MAML3: variants seen among roughly 807,000 people sequenced by gnomAD.
MAML3 encodes mastermind like transcriptional coactivator 3.
MAML3 carries 27 observed loss-of-function variants against 101.9 expected under a neutral mutation model. That is an observed-to-expected ratio of 0.27 (90% CI 0.20 to 0.37). The LOEUF is 0.37. MAML3 is among the 10% of genes least tolerant of loss of function. MAML3 has a pLI of 1.00. For synonymous variants in MAML3, 501 were observed against 555.9 expected, an observed-to-expected ratio of 0.90 and a Z score of 1.39; for missense variants, 1,316 against 1,444.9, an observed-to-expected ratio of 0.91 and a Z score of 1.45.
intron 1 of MAML3, among the ~76,000 whole-genome samples, chr4:140,012,480 T>A (rs927170095): frequency 4.6e-5 from 7 of 152,186 alleles, no homozygotes; most frequent in African/African-American, 9.7e-5. Context: ...TTCCTCCCAT[T>A]CACTTTACTC....
At chr4:140,031,757 T>C (rs2110892295) in intron 1 of MAML3, among the ~76,000 whole-genome samples, 2 of 152,338 alleles carry the variant, frequency 1.3e-5, no homozygotes, top group South Asian at 4.1e-4. Flanking sequence ...ATTACCTTCA[T>C]CAGAAACTTC....
chr4:140,142,867 TG>T (rs1379623371), intron 1 of MAML3, among the ~76,000 whole-genome samples: 5 of 152,144 alleles, frequency 3.3e-5, no homozygotes, highest in African/African-American at 1.2e-4. Context: ...TGTCAAGCCA[TG>T]ATCATGATGC....
intron 1 of MAML3, among the ~76,000 whole-genome samples, chr4:140,023,502 C>T (rs1261109050): frequency 6.6e-6 from 1 of 152,164 alleles, no homozygotes; most frequent in Non-Finnish European, 1.5e-5. Flanking sequence ...GTCCTTTATG[C>T]CCAAGCGAAG....
At chr4:140,018,417 A>C (rs777151596) in intron 1 of MAML3, among the ~76,000 whole-genome samples, 6 of 152,232 alleles carry the variant, frequency 3.9e-5, no homozygotes, top group Non-Finnish European at 8.8e-5. Flanking sequence ...TTAAAGAAGA[A>C]AACAATCTTG....
intron 3 of MAML3, among the ~76,000 whole-genome samples, chr4:139,727,178 A>G (rs76218689): frequency 0.014 from 2,140 of 152,296 alleles, 53 homozygotes; most frequent in African/African-American, 0.048. Context: ...AAGGCCAGCC[A>G]GTATTCTGGC....
chr4:140,143,105 G>A (rs914515482), intron 1 of MAML3, among the ~76,000 whole-genome samples: 16 of 152,180 alleles, frequency 1.1e-4, no homozygotes, highest in African/African-American at 3.9e-4. Flanking sequence ...TTTTTAAAGT[G>A]TTTCCATTTA....
intron 1 of MAML3, chr4:140,133,042 T>C (rs1728822280): frequency 2.4e-6 from 1 of 422,636 alleles, no homozygotes; most frequent in Non-Finnish European, 4.7e-6. Context: ...CCTGTATTTA[T>C]TTTAAAAGGA....
At chr4:139,754,968 A>G (rs530260247) in intron 2 of MAML3, among the ~76,000 whole-genome samples, 105 of 152,334 alleles carry the variant, frequency 6.9e-4, no homozygotes, top group Non-Finnish European at 9.4e-4. Flanking sequence ...GCACGCTGAC[A>G]TCCTATGTCT....
rs545489589 is a variant in MAML3, at chr4:140,030,230, C to T, written c.468+122630G>A. The stretch of plus-strand genomic sequence containing the variant: ...TATTCTTCATCTTTAAATGTCCCAC[C>T]GATCACACGTCAGTGACTTCATGGC... On this transcript the variant is annotated intron_variant, in intron 1 of 4. Transcript: ENST00000509479. 3.8e-3 allele frequency among the ~76,000 whole-genome samples: 577 copies of T among 152,242 alleles called. 6 individuals are homozygous for T. The highest frequency in any genetic ancestry group is 4.0e-3 in the Non-Finnish European group (272 of 68,024).
chr4:139,941,836 G>C (rs1263440660), intron 1 of MAML3, among the ~76,000 whole-genome samples: 2 of 151,952 alleles, frequency 1.3e-5, no homozygotes, highest in Admixed American at 1.3e-4. Flanking sequence ...CTTCACATTA[G>C]AAACCTTTAA....
chr4:139,792,189 G>A (rs1281284165), intron 2 of MAML3, among the ~76,000 whole-genome samples: 1 of 152,202 alleles, frequency 6.6e-6, no homozygotes, highest in Admixed American at 6.5e-5. Context: ...AGAGCAGAAT[G>A]AAAACATTTT....
intron 1 of MAML3, among the ~76,000 whole-genome samples, chr4:139,945,306 C>T (rs901602333): frequency 1.3e-5 from 2 of 152,202 alleles, no homozygotes; most frequent in African/African-American, 2.4e-5. Flanking sequence ...ATTTTATGTG[C>T]TTCTGATGAA....
At chr4:139,816,673 C>T (rs1192353458) in intron 2 of MAML3, among the ~76,000 whole-genome samples, 1 of 152,060 alleles carries the variant, frequency 6.6e-6, no homozygotes, top group Admixed American at 6.5e-5. Context: ...GATGTCAATC[C>T]AGTTCAATTT....
chr4:140,041,603 C>G (rs549050136), intron 1 of MAML3, among the ~76,000 whole-genome samples: 1 of 151,820 alleles, frequency 6.6e-6, no homozygotes, highest in East Asian at 1.9e-4. Flanking sequence ...CCTGGGCAAC[C>G]GAGTGAGACA....
intron 1 of MAML3, among the ~76,000 whole-genome samples, chr4:139,893,759 C>T (rs1046067214): frequency 6.6e-6 from 1 of 152,098 alleles, no homozygotes; most frequent in Non-Finnish European, 1.5e-5. Context: ...GTCTTGCTAA[C>T]TCTATGGATT....
chr4:139,756,229 C>G (rs1198448629), intron 2 of MAML3, among the ~76,000 whole-genome samples: 2 of 152,158 alleles, frequency 1.3e-5, no homozygotes, highest in Non-Finnish European at 2.9e-5. Flanking sequence ...AGGGAACACT[C>G]CCTCCACCCA....
intron 1 of MAML3, among the ~76,000 whole-genome samples, chr4:140,001,023 C>T (rs1734914446): frequency 2.6e-5 from 4 of 151,406 alleles, no homozygotes; most frequent in South Asian, 4.2e-4. Flanking sequence ...AGCAAAACTC[C>T]GTCTCAAAAA....
At chr4:139,807,282 A>ATT (rs1314979673) in intron 2 of MAML3, among the ~76,000 whole-genome samples, 1 of 122,674 alleles carries the variant, frequency 8.2e-6, no homozygotes, top group Admixed American at 8.5e-5. Flanking sequence ...ATACGCTATT[A>ATT]TTTTGTGTGT....
chr4:140,151,428 C>T (rs1409314212), intron 1 of MAML3, among the ~76,000 whole-genome samples: 1 of 152,148 alleles, frequency 6.6e-6, no homozygotes, highest in Non-Finnish European at 1.5e-5. Context: ...CCTCCCCTCC[C>T]CCAAGCCGAC....
Sources: gnomAD v4.1 joint callset for allele counts (sites outside exome capture counted in the v4.1 genomes callset) on GRCh38, gnomAD v4.1.1 for gene constraint, MANE v1.5 for transcripts, NCBI Gene and HGNC (gene_info 2026-07-23, HGNC 2026-07-21) for gene names.